RUNDC3B: variants seen among roughly 807,000 people sequenced by gnomAD.
The protein encoded by RUNDC3B is RUN domain-containing protein 3B.
RUNDC3B carries 33 observed loss-of-function variants against 58.4 expected under a neutral mutation model. The ratio of observed to expected loss-of-function variants is 0.56; its 90% CI spans 0.43 to 0.75. RUNDC3B has a LOEUF of 0.75. RUNDC3B is among the 30% of genes least tolerant of loss of function. The pLI, the probability that RUNDC3B is intolerant of heterozygous loss-of-function variation, is 0.00. For missense variants in RUNDC3B, 501 were observed against 535.7 expected (o/e 0.94, Z 0.64); for synonymous variants, 193 against 195.2 (o/e 0.99, Z 0.10).
chr7:87,683,946 A>G (rs773480484), intron 2 of RUNDC3B, among the ~76,000 whole-genome samples: 2 of 152,244 alleles, frequency 1.3e-5, no homozygotes, highest in Non-Finnish European at 2.9e-5. Flanking sequence ...AGAATCTTCA[A>G]TAAATATTGA....
At chr7:87,731,495 G>C (rs772410094) in intron 4 of RUNDC3B, among the ~76,000 whole-genome samples, 1 of 151,924 alleles carries the variant, frequency 6.6e-6, no homozygotes, top group Non-Finnish European at 1.5e-5. Flanking sequence ...GAAAACCAAG[G>C]CCCCAAAATT....
intron 6 of RUNDC3B, among the ~76,000 whole-genome samples, chr7:87,760,630 A>G (rs1833626659): frequency 6.6e-6 from 1 of 152,114 alleles, no homozygotes; most frequent in Non-Finnish European, 1.5e-5. Context: ...AAGGATATAC[A>G]TACAAATCAA....
intron 9 of RUNDC3B, among the ~76,000 whole-genome samples, chr7:87,809,645 G>T (rs151090866): frequency 6.6e-6 from 1 of 152,164 alleles, no homozygotes; most frequent in South Asian, 2.1e-4. Context: ...TGTTTGGAGA[G>T]TGTATACCCA....
At chr7:87,815,915 CT>C (rs1279665209) in intron 9 of RUNDC3B, among the ~76,000 whole-genome samples, 6 of 151,162 alleles carry the variant, frequency 4.0e-5, no homozygotes, top group East Asian at 1.9e-4. Context: ...CTGACAAACT[CT>C]TTTTTTTTCC....
chr7:87,643,812 C>T (rs1822696827), intron 1 of RUNDC3B, among the ~76,000 whole-genome samples: 1 of 152,018 alleles, frequency 6.6e-6, no homozygotes, highest in African/African-American at 2.4e-5. Context: ...CAGGCGTGAG[C>T]CACCACGCCC....
intron 6 of RUNDC3B, among the ~76,000 whole-genome samples, chr7:87,767,234 CAG>C (rs1045761720): frequency 2.6e-5 from 4 of 152,108 alleles, no homozygotes; most frequent in African/African-American, 9.7e-5. Flanking sequence ...TTTGTCATAA[CAG>C]AATTTTCATT....
intron 2 of RUNDC3B, among the ~76,000 whole-genome samples, chr7:87,657,638 A>G (rs986154317): frequency 6.6e-6 from 1 of 152,134 alleles, no homozygotes; most frequent in Non-Finnish European, 1.5e-5. Flanking sequence ...CTAGGCTGCC[A>G]TCTTCATCCA....
chr7:87,784,433 T>A (rs1465977240), intron 8 of RUNDC3B, among the ~76,000 whole-genome samples: 1 of 152,086 alleles, frequency 6.6e-6, no homozygotes, highest in Non-Finnish European at 1.5e-5. Context: ...TTGACTGTTG[T>A]GTATGTTGTG....
intron 8 of RUNDC3B, among the ~76,000 whole-genome samples, chr7:87,799,394 A>G (rs1181198885): frequency 6.6e-6 from 1 of 152,154 alleles, no homozygotes. Context: ...GAGTATATGT[A>G]ACACCTTTAT....
At chr7:87,752,403 G>A (rs1444680621) in intron 6 of RUNDC3B, among the ~76,000 whole-genome samples, 3 of 152,126 alleles carry the variant, frequency 2.0e-5, no homozygotes, top group Non-Finnish European at 4.4e-5. Flanking sequence ...ATGAGTTAGG[G>A]AGGATTCCCT....
intron 2 of RUNDC3B, among the ~76,000 whole-genome samples, chr7:87,655,025 G>A (rs1007912664): frequency 1.4e-4 from 21 of 151,964 alleles, no homozygotes; most frequent in African/African-American, 3.9e-4. Context: ...TCAAACAGCC[G>A]AAGGATAACA....
At chr7:87,702,214 T>A (rs1829147136) in intron 3 of RUNDC3B, among the ~76,000 whole-genome samples, 1 of 149,456 alleles carries the variant, frequency 6.7e-6, no homozygotes, top group Admixed American at 6.6e-5. Flanking sequence ...GGAAAAATAG[T>A]TATTTTTCAT....
At chr7:87,826,186 C>T (rs1356889019) in intron 10 of RUNDC3B, among the ~76,000 whole-genome samples, 5 of 152,054 alleles carry the variant, frequency 3.3e-5, no homozygotes, top group East Asian at 1.9e-4. Flanking sequence ...ACAATTCCCA[C>T]GTCATGGGAG....
intron 4 of RUNDC3B, among the ~76,000 whole-genome samples, chr7:87,731,861 C>T (rs1167608035): frequency 2.0e-5 from 3 of 152,134 alleles, no homozygotes; most frequent in Non-Finnish European, 4.4e-5. Flanking sequence ...AAAGATCATA[C>T]AGACAGAAAA....
At chr7:87,791,505 C>A (rs1189286441) in intron 8 of RUNDC3B, among the ~76,000 whole-genome samples, 1 of 151,986 alleles carries the variant, frequency 6.6e-6, no homozygotes, top group African/African-American at 2.4e-5. Context: ...TAAAAAATAA[C>A]TACAAGAATT....
At chr7:87,756,313 C>A (rs1221400605) in intron 6 of RUNDC3B, among the ~76,000 whole-genome samples, 1 of 151,696 alleles carries the variant, frequency 6.6e-6, no homozygotes, top group Non-Finnish European at 1.5e-5. Flanking sequence ...CATAGAAAGT[C>A]CTGTTAAGAT....
chr7:87,743,178 A>C (rs1200719086), intron 6 of RUNDC3B, among the ~76,000 whole-genome samples: 2 of 152,104 alleles, frequency 1.3e-5, no homozygotes, highest in African/African-American at 4.8e-5. Flanking sequence ...CTTCAAAACA[A>C]ATCTTCCTTG....
chr7:87,661,373 A>G (rs957398327), intron 2 of RUNDC3B, among the ~76,000 whole-genome samples: 1 of 151,728 alleles, frequency 6.6e-6, no homozygotes, highest in Admixed American at 6.6e-5. Context: ...ATCTAACTAC[A>G]TTTTTGTACC....
At position 87,753,727 on chromosome 7, in the gene RUNDC3B, A is replaced by G. The variant is rs528837094; in HGVS notation, c.629+12148A>G. ...TCCTTAAATTCTCTGCTATAACTCA[A>G]ATAGGATCCATCAGCAAATTCTTTG... On this transcript the variant is annotated intron_variant, in intron 6 of 10. Transcript: ENST00000394654. 1.5e-4 allele frequency among the ~76,000 whole-genome samples: 23 copies of G among 152,304 alleles called. No homozygotes were observed. The South Asian group carries it at 4.1e-3, about 27-fold the overall frequency.
Sources: allele counts gnomAD v4.1 joint callset (sites outside exome capture counted in the v4.1 genomes callset), GRCh38; gene constraint gnomAD v4.1.1; transcripts MANE v1.5; gene names NCBI Gene and HGNC (gene_info 2026-07-23, HGNC 2026-07-21).